FHIT: variants seen among roughly 807,000 people sequenced by gnomAD.
FHIT encodes bis(5'-adenosyl)-triphosphatase.
Under a neutral mutation model 17.9 loss-of-function variants are expected in FHIT, and 19 were observed. The observed-to-expected ratio is 1.06, with a 90% CI of 0.74 to 1.56. The LOEUF (loss-of-function observed/expected upper bound fraction) is 1.56, where lower values mean the gene tolerates loss of function less well. Ranked by LOEUF, FHIT falls within the 40% of genes most tolerant of loss-of-function variation. The pLI is 0.00. For missense variants in FHIT, 248 were observed against 189.2 expected (o/e 1.31, Z -1.82); for synonymous variants, 81 against 69.7 (o/e 1.16, Z -0.81).
chr3:61,075,767 C>T (rs1225129142), intron 2 of FHIT, among the ~76,000 whole-genome samples: 2 of 151,982 alleles, frequency 1.3e-5, no homozygotes, highest in African/African-American at 2.4e-5. Flanking sequence ...AATAAGTATT[C>T]GTTCACTGCC....
intron 4 of FHIT, among the ~76,000 whole-genome samples, chr3:60,755,146 T>C (rs1378638510): frequency 1.3e-5 from 2 of 152,344 alleles, no homozygotes; most frequent in East Asian, 1.9e-4. Flanking sequence ...CTCTGTATTC[T>C]GAAAATACTC....
At chr3:60,205,200 C>G (rs1442397446) in intron 5 of FHIT, among the ~76,000 whole-genome samples, 1 of 152,026 alleles carries the variant, frequency 6.6e-6, no homozygotes, top group African/African-American at 2.4e-5. Context: ...ATTATGTTAC[C>G]GCCACTGGAC....
chr3:60,213,777 C>G (rs1269890358), intron 5 of FHIT, among the ~76,000 whole-genome samples: 1 of 152,070 alleles, frequency 6.6e-6, no homozygotes, highest in African/African-American at 2.4e-5. Context: ...ATTCCATTAC[C>G]TGATTGTGAT....
intron 5 of FHIT, among the ~76,000 whole-genome samples, chr3:60,019,229 T>C (rs925269454): frequency 2.0e-5 from 3 of 151,860 alleles, no homozygotes; most frequent in African/African-American, 7.3e-5. Flanking sequence ...TCAAAGAAAA[T>C]CACAAGCCAA....
intron 5 of FHIT, among the ~76,000 whole-genome samples, chr3:60,269,380 T>C (rs1180995106): frequency 6.6e-6 from 1 of 152,228 alleles, no homozygotes; most frequent in East Asian, 1.9e-4. Context: ...AGTTTTCTTT[T>C]ACTGACCAGA....
At chr3:60,186,847 C>T (rs1702180534) in intron 5 of FHIT, among the ~76,000 whole-genome samples, 1 of 150,944 alleles carries the variant, frequency 6.6e-6, no homozygotes, top group Admixed American at 6.6e-5. Context: ...ACCATCTTTT[C>T]ATTTTCTTCC....
intron 5 of FHIT, among the ~76,000 whole-genome samples, chr3:60,295,033 G>C (rs1316548493): frequency 6.6e-6 from 1 of 151,758 alleles, no homozygotes; most frequent in African/African-American, 2.4e-5. Flanking sequence ...GTGTTTCTTG[G>C]ATAAATGACC....
At chr3:60,584,810 T>A (rs1318001724) in intron 4 of FHIT, among the ~76,000 whole-genome samples, 3 of 151,982 alleles carry the variant, frequency 2.0e-5, no homozygotes, top group African/African-American at 7.2e-5. Context: ...TACTACTGAA[T>A]GAAGATCCTT....
At position 59,749,519 on chromosome 3, in the gene FHIT, G is replaced by GT. The variant is rs1559566516; in HGVS notation, c.*65_*66insA. The GT allele has an allele frequency of 7.0e-4, 162 of 231,540 alleles. No homozygotes were observed. Among genetic ancestry groups the GT allele is most frequent in the African/African-American group, 3.4e-3 (153 of 45,156 alleles). 14.3% of individuals were successfully genotyped at this position (231,540 alleles called of 1,614,324 possible). A position where few individuals can be genotyped will look rare whatever the true frequency, so the allele number is the denominator to read the frequency against. ...TCAGTTCCTCTTGGGGAGAGGCGGGGGGCGGTCTTCAAACTGGTTGGCAAT... is the reference window on the plus strand; with the variant it reads ...TCAGTTCCTCTTGGGGAGAGGCGGGGTGGCGGTCTTCAAACTGGTTGGCAAT... On this transcript the variant is annotated 3_prime_UTR_variant, in exon 10 of 10. Coordinates refer to ENST00000492590, the MANE Select transcript of FHIT (RefSeq NM_002012.4).
At chr3:59,753,363 A>G (rs1701024506) in intron 8 of FHIT, among the ~76,000 whole-genome samples, 1 of 152,234 alleles carries the variant, frequency 6.6e-6, no homozygotes, top group Admixed American at 6.5e-5. Flanking sequence ...GATTACAGGC[A>G]TATTTAAAAA....
chr3:60,315,999 C>T (rs920312527), intron 5 of FHIT, among the ~76,000 whole-genome samples: 1 of 152,172 alleles, frequency 6.6e-6, no homozygotes, highest in South Asian at 2.1e-4. Context: ...TCCATATTGA[C>T]CTTTCCTGAC....
chr3:59,898,627 C>T (rs548737833), intron 8 of FHIT, among the ~76,000 whole-genome samples: 1 of 152,222 alleles, frequency 6.6e-6, no homozygotes, highest in South Asian at 2.1e-4. Context: ...AATAAATATC[C>T]TCTACAGAAT....
intron 1 of FHIT, among the ~76,000 whole-genome samples, chr3:61,250,091 T>A (rs2040581329): frequency 6.6e-6 from 1 of 152,194 alleles, no homozygotes; most frequent in Admixed American, 6.5e-5. Flanking sequence ...GAGTTGTAGT[T>A]CCGAGTCAAG....
At chr3:60,258,975 A>T (rs983755531) in intron 5 of FHIT, among the ~76,000 whole-genome samples, 4 of 148,424 alleles carry the variant, frequency 2.7e-5, no homozygotes, top group African/African-American at 7.3e-5. Context: ...AAGGTAAAAG[A>T]GATCTTCCTG....
At chr3:60,534,628 T>A (rs1263519844) in intron 5 of FHIT, among the ~76,000 whole-genome samples, 1 of 152,064 alleles carries the variant, frequency 6.6e-6, no homozygotes, top group Non-Finnish European at 1.5e-5. Context: ...ATAATGATTT[T>A]AAAAAAGCTC....
chr3:59,782,713 G>T (rs548504572), intron 8 of FHIT, among the ~76,000 whole-genome samples: 2 of 152,164 alleles, frequency 1.3e-5, no homozygotes, highest in African/African-American at 4.8e-5. Context: ...TTTGGGGGGT[G>T]AGTACACAAG....
At chr3:60,310,946 T>G (rs1369840353) in intron 5 of FHIT, among the ~76,000 whole-genome samples, 1 of 152,146 alleles carries the variant, frequency 6.6e-6, no homozygotes, top group Admixed American at 6.6e-5. Flanking sequence ...ATAAATTGCA[T>G]TTAGCGCATA....
At position 60,233,728 on chromosome 3, in the gene FHIT, G is replaced by A. The variant is rs181643508; in HGVS notation, c.104-219576C>T. Among the ~76,000 whole-genome samples, 516 of 152,202 alleles carry A rather than the reference G, an allele frequency of 3.4e-3. 1 individual carries two copies. The highest frequency in any genetic ancestry group is 5.0e-3 in the Non-Finnish European group (341 of 68,016). On this transcript the variant is annotated intron_variant, in intron 5 of 9. Transcript: ENST00000492590. ...TTCCCATGTGTCATGGGAGGGACCC[G>A]GTGGCAGGTAATTGAATCATGGGGG...
At chr3:59,781,772 A>G (rs1297623977) in intron 8 of FHIT, among the ~76,000 whole-genome samples, 2 of 152,208 alleles carry the variant, frequency 1.3e-5, no homozygotes, top group Non-Finnish European at 2.9e-5. Flanking sequence ...GTCCCAGATG[A>G]AGATTAGCTT....
Sources: allele counts gnomAD v4.1 joint callset (sites outside exome capture counted in the v4.1 genomes callset), GRCh38; gene constraint gnomAD v4.1.1; transcripts MANE v1.5; gene names NCBI Gene and HGNC (gene_info 2026-07-23, HGNC 2026-07-21).